Variants in LRFN5 observed in about 807,000 individuals in gnomAD.
The protein encoded by LRFN5 is leucine-rich repeat and fibronectin type-III domain-containing protein 5.
LRFN5 carries 24 observed loss-of-function variants against 45.6 expected under a neutral mutation model. The ratio of observed to expected loss-of-function variants is 0.53; its 90% CI spans 0.38 to 0.74. The LOEUF is 0.74. LRFN5 is among the 30% of genes least tolerant of loss of function. The probability of loss-of-function intolerance (pLI) is 0.00; values close to 1 mark genes in which losing one functional copy is unlikely to be tolerated. For synonymous variants in LRFN5, 340 were observed against 313.8 expected, an observed-to-expected ratio of 1.08 and a Z score of -0.88; for missense variants, 776 against 861.5, an observed-to-expected ratio of 0.90 and a Z score of 1.24.
At chr14:41,796,380 G>A (rs150364694) in intron 2 of LRFN5, among the ~76,000 whole-genome samples, 2,032 of 151,948 alleles carry the variant, frequency 0.013, 19 homozygotes, top group Non-Finnish European at 0.018. Context: ...ATGTGAATAC[G>A]CATGGTAGAT....
chr14:41,677,364 A>AAC (rs1269854708), intron 1 of LRFN5, among the ~76,000 whole-genome samples: 3 of 151,962 alleles, frequency 2.0e-5, no homozygotes, highest in South Asian at 2.1e-4. Flanking sequence ...GGAAGAATCT[A>AAC]ACACACACAC....
At chr14:41,725,274 C>G (rs928436536) in intron 1 of LRFN5, among the ~76,000 whole-genome samples, 1 of 152,164 alleles carries the variant, frequency 6.6e-6, no homozygotes, top group East Asian at 1.9e-4. Context: ...AGGATAAGAA[C>G]GTGGGGCTAG....
intron 2 of LRFN5, among the ~76,000 whole-genome samples, chr14:41,827,473 T>G (rs920797403): frequency 6.6e-6 from 1 of 152,152 alleles, no homozygotes; most frequent in Admixed American, 6.5e-5. Flanking sequence ...AGTATATATT[T>G]TTATTTGCTA....
intron 2 of LRFN5, among the ~76,000 whole-genome samples, chr14:41,818,600 A>T (rs1279977872): frequency 6.6e-6 from 1 of 152,010 alleles, no homozygotes; most frequent in African/African-American, 2.4e-5. Flanking sequence ...TATGTGGGCT[A>T]ATTGGCTATA....
chr14:41,749,716 T>A (rs554031750), intron 1 of LRFN5, among the ~76,000 whole-genome samples: 1 of 152,210 alleles, frequency 6.6e-6, no homozygotes, highest in East Asian at 1.9e-4. Flanking sequence ...ATATTGGGCT[T>A]AATACCTGGG....
At chr14:41,835,935 A>G (rs565464014) in intron 2 of LRFN5, among the ~76,000 whole-genome samples, 2 of 139,678 alleles carry the variant, frequency 1.4e-5, no homozygotes, top group African/African-American at 2.8e-5. Flanking sequence ...TTTTTTTTTA[A>G]AAAAAAAAAA....
intron 2 of LRFN5, among the ~76,000 whole-genome samples, chr14:41,772,937 C>T (rs1173295263): frequency 6.6e-6 from 1 of 152,136 alleles, no homozygotes; most frequent in African/African-American, 2.4e-5. Flanking sequence ...ACTGTGATTT[C>T]TCCCGTAGAC....
intron 5 of LRFN5, among the ~76,000 whole-genome samples, chr14:41,900,015 T>C (rs1235980365): frequency 3.3e-5 from 5 of 152,078 alleles, no homozygotes; most frequent in African/African-American, 1.2e-4. Context: ...AATTTTAACA[T>C]TTCTTCTTAT....
intron 1 of LRFN5, among the ~76,000 whole-genome samples, chr14:41,756,252 G>T (rs111275216): frequency 0.014 from 2,015 of 140,130 alleles, no homozygotes; most frequent in East Asian, 0.066. Flanking sequence ...TCTTGGAGTT[G>T]CTCTTCTCGA....
intron 1 of LRFN5, among the ~76,000 whole-genome samples, chr14:41,673,860 C>G (rs1881405669): frequency 6.8e-6 from 1 of 147,690 alleles, no homozygotes; most frequent in South Asian, 2.2e-4. Context: ...GAACCCCCTA[C>G]CTCCCTCCCA....
chr14:41,778,011 TGGGG>T (rs71102200), intron 2 of LRFN5, among the ~76,000 whole-genome samples: 15,971 of 112,662 alleles, frequency 0.14, 1,547 homozygotes, highest in East Asian at 0.53. Context: ...TTTTTTTTGG[TGGGG>T]GGGGGGGATT....
intron 1 of LRFN5, among the ~76,000 whole-genome samples, chr14:41,671,741 C>G (rs1383267681): frequency 1.3e-5 from 2 of 150,578 alleles, no homozygotes; most frequent in Non-Finnish European, 2.9e-5. Flanking sequence ...CTCTCAGCCT[C>G]TAGAGTAGCT....
At chr14:41,797,859 T>G (rs76892395) in intron 2 of LRFN5, among the ~76,000 whole-genome samples, 1,881 of 152,066 alleles carry the variant, frequency 0.012, 34 homozygotes, top group African/African-American at 0.042. Flanking sequence ...GTACCATACA[T>G]GTATTGCTTC....
In LRFN5 at chr14:41,904,261, A is replaced by G; in HGVS notation, c.*86A>G. 6.8e-7 allele frequency: 1 copy of G among 1,480,986 alleles called. No homozygotes were observed. The highest frequency in any genetic ancestry group is 9.4e-7 in the Non-Finnish European group (1 of 1,067,364). 91.7% of individuals were successfully genotyped at this position (1,480,986 alleles called of 1,614,324 possible). On this transcript the variant is annotated 3_prime_UTR_variant, in exon 6 of 6. Coordinates refer to ENST00000298119, the MANE Select transcript of LRFN5 (RefSeq NM_152447.5). ...AATTCAAAAATGTTTCAATTCACAA[A>G]GGCTAATTGTTGAACTGGTGTCGTA...
intron 1 of LRFN5, among the ~76,000 whole-genome samples, chr14:41,641,209 C>T (rs1037783376): frequency 2.6e-5 from 4 of 151,982 alleles, no homozygotes; most frequent in East Asian, 1.9e-4. Context: ...CGTTTGAAAA[C>T]GCTATTCTGA....
At chr14:41,736,546 G>T (rs886900716) in intron 1 of LRFN5, among the ~76,000 whole-genome samples, 1 of 151,950 alleles carries the variant, frequency 6.6e-6, no homozygotes, top group Non-Finnish European at 1.5e-5. Context: ...TCTACACATT[G>T]CCTGTTCACT....
At chr14:41,615,421 T>C (rs1312042001) in intron 1 of LRFN5, among the ~76,000 whole-genome samples, 1 of 152,186 alleles carries the variant, frequency 6.6e-6, no homozygotes, top group African/African-American at 2.4e-5. Context: ...GCTGTGCTTA[T>C]GACTAAACAT....
intron 1 of LRFN5, among the ~76,000 whole-genome samples, chr14:41,757,381 T>C (rs1228228529): frequency 6.6e-6 from 1 of 152,224 alleles, no homozygotes; most frequent in Non-Finnish European, 1.5e-5. Flanking sequence ...CAGGCAGGCC[T>C]CCTTGAACTG....
chr14:41,748,329 T>C (rs562731507), intron 1 of LRFN5, among the ~76,000 whole-genome samples: 1 of 152,184 alleles, frequency 6.6e-6, no homozygotes, highest in South Asian at 2.1e-4. Flanking sequence ...AATGGAATAT[T>C]AGCCTCATAA....
Sources: gnomAD v4.1 joint callset for allele counts (sites outside exome capture counted in the v4.1 genomes callset) on GRCh38, gnomAD v4.1.1 for gene constraint, MANE v1.5 for transcripts, NCBI Gene and HGNC (gene_info 2026-07-23, HGNC 2026-07-21) for gene names.